The following IFT80 variants were observed in gnomAD, a reference collection of about 807,000 sequenced individuals.
The protein encoded by IFT80 is intraflagellar transport 80.
IFT80 carries 79 observed loss-of-function variants against 107.9 expected under a neutral mutation model. That is an observed-to-expected ratio of 0.73 (90% CI 0.61 to 0.88). The LOEUF is 0.88. Ranked by LOEUF, IFT80 falls within the 40% of genes least tolerant of loss-of-function variation. The pLI is 0.00. For synonymous variants in IFT80, 299 were observed against 300.9 expected (o/e 0.99, Z 0.07); for missense variants, 797 against 914.2 (o/e 0.87, Z 1.65).
At chr3:160,336,589 GTA>G (rs1436905307) in intron 8 of IFT80, among the ~76,000 whole-genome samples, 6 of 151,502 alleles carry the variant, frequency 4.0e-5, no homozygotes, top group African/African-American at 7.3e-5. Flanking sequence ...CAACATGTGT[GTA>G]TGTGTGTGTG....
intron 5 of IFT80, among the ~76,000 whole-genome samples, chr3:160,374,232 G>A (rs1022130111): frequency 3.9e-5 from 6 of 151,956 alleles, no homozygotes; most frequent in East Asian, 1.9e-4. Context: ...GATCACTTGA[G>A]CCCAGGAGTT....
At chr3:160,290,021 T>G (rs1459614332) in intron 12 of IFT80, among the ~76,000 whole-genome samples, 2 of 152,150 alleles carry the variant, frequency 1.3e-5, no homozygotes, top group African/African-American at 2.4e-5. Flanking sequence ...CTGGAGAGTT[T>G]GAACAGACTT....
intron 1 of IFT80, among the ~76,000 whole-genome samples, chr3:160,396,572 G>T (rs761770338): frequency 1.3e-5 from 2 of 151,950 alleles, no homozygotes; most frequent in African/African-American, 2.4e-5. Flanking sequence ...TCTTCCTGTG[G>T]GGTATAATTT....
Position 160,381,266 on chromosome 3 carries a change from T to TATATATATATATA in IFT80, c.259+236_259+237insTATATATATATAT, listed in dbSNP as rs1553766638. Among the ~76,000 whole-genome samples, 15 of 70,672 alleles carry TATATATATATATA rather than the reference T, an allele frequency of 2.1e-4. 1 individual carries two copies. The highest frequency in any genetic ancestry group is 6.8e-3 in the Middle Eastern group (1 of 148). The allele number at this position is 70,672 out of a possible 152,430, so 46.4% of individuals were successfully genotyped here. On this transcript the variant is annotated intron_variant, in intron 3 of 19. Transcript: ENST00000326448. ...TATATATATATATATATATATATAT[T>TATATATATATATA]AAAGCCAAAGACCCATATTCAATCC...
intron 8 of IFT80, among the ~76,000 whole-genome samples, chr3:160,333,644 C>T (rs1357658893): frequency 6.6e-6 from 1 of 152,102 alleles, no homozygotes; most frequent in Non-Finnish European, 1.5e-5. Flanking sequence ...TGTCTTCCAC[C>T]TCTACATCTT....
intron 19 of IFT80, among the ~76,000 whole-genome samples, chr3:160,261,445 A>G (rs1428452262): frequency 6.7e-6 from 1 of 149,308 alleles, no homozygotes; most frequent in Non-Finnish European, 1.5e-5. Flanking sequence ...TAATAAACAA[A>G]ACAAAAAATA....
intron 12 of IFT80, among the ~76,000 whole-genome samples, chr3:160,288,736 T>A (rs1276082816): frequency 6.6e-6 from 1 of 151,840 alleles, no homozygotes. Context: ...AATAGAGAAA[T>A]ACAGATCAAA....
chr3:160,329,429 C>A (rs976399880), intron 8 of IFT80, among the ~76,000 whole-genome samples: 2 of 152,084 alleles, frequency 1.3e-5, no homozygotes, highest in Non-Finnish European at 2.9e-5. Context: ...CTTGATGGGG[C>A]TCAGAACACA....
chr3:160,338,671 C>A (rs1719667097), intron 8 of IFT80, among the ~76,000 whole-genome samples: 1 of 151,056 alleles, frequency 6.6e-6, no homozygotes, highest in African/African-American at 2.4e-5. Context: ...TGAGTGAGAA[C>A]CCATGTGTGT....
chr3:160,379,126 T>C lies in IFT80; in HGVS notation c.260-1586A>G, dbSNP rs138134957. On this transcript the variant is annotated intron_variant, in intron 3 of 19. Coordinates refer to ENST00000326448, the MANE Select transcript of IFT80 (RefSeq NM_020800.3). ...TAATGGGTCAAACCAACATCATAAA[T>C]CTCCTAGTCTGATGCCCCGAGTATT... Among the ~76,000 whole-genome samples, 307 of 152,236 alleles carry C rather than the reference T, an allele frequency of 2.0e-3. 1 individual carries two copies. Among genetic ancestry groups the C allele is most frequent in the African/African-American group, 7.0e-3 (292 of 41,534 alleles).
At chr3:160,383,612 A>T (rs1576900650) in intron 2 of IFT80, 1 of 948,244 alleles carries the variant, frequency 1.1e-6, no homozygotes, top group African/African-American at 1.8e-5. Flanking sequence ...AAAATTTCTC[A>T]GCCCTTACTT....
chr3:160,328,036 GATGTCTTCTCAAA>G (rs1718800553), intron 8 of IFT80, among the ~76,000 whole-genome samples: 1 of 152,124 alleles, frequency 6.6e-6, no homozygotes, highest in Non-Finnish European at 1.5e-5. Flanking sequence ...GACATGAAAA[GATGTCTTCTCAAA>G]AGAAGACATA....
chr3:160,331,658 T>A (rs1011520805), intron 8 of IFT80, among the ~76,000 whole-genome samples: 10 of 127,034 alleles, frequency 7.9e-5, no homozygotes, highest in African/African-American at 3.0e-4. Flanking sequence ...CACATCTTTT[T>A]ACCCTTGTAA....
rs571937019 is a variant in IFT80 at position 160,289,508 on chromosome 3, TGG to T, written c.1316-3642_1316-3641del. Among the ~76,000 whole-genome samples the T allele has an allele frequency of 7.9e-5, 12 of 152,048 alleles. No homozygotes were observed. The South Asian group carries it at 2.5e-3, about 32-fold the overall frequency. ...AACGAGGTGAAAAAGCAAACGCTGA[TGG>T]GGGTAAAATGAAAGGGAAAGAGAAA... On this transcript the variant is annotated intron_variant, in intron 12 of 19. Coordinates refer to ENST00000326448, the MANE Select transcript of IFT80 (RefSeq NM_020800.3).
At chr3:160,372,145 CTA>C (rs1162788278) in intron 5 of IFT80, among the ~76,000 whole-genome samples, 5 of 152,170 alleles carry the variant, frequency 3.3e-5, no homozygotes, top group African/African-American at 1.2e-4. Flanking sequence ...GAATTAATCT[CTA>C]TTCATCAAGA....
chr3:160,348,939 G>C (rs1720478821), intron 8 of IFT80, among the ~76,000 whole-genome samples: 1 of 152,050 alleles, frequency 6.6e-6, no homozygotes, highest in Non-Finnish European at 1.5e-5. Flanking sequence ...GGAAAAATAG[G>C]GATTGACAGT....
chr3:160,299,554 C>T (rs921985030), intron 12 of IFT80, among the ~76,000 whole-genome samples: 3 of 152,132 alleles, frequency 2.0e-5, no homozygotes, highest in Non-Finnish European at 4.4e-5. Context: ...TAACTTTCCT[C>T]TTACCTCACT....
chr3:160,366,448 A>G (rs938528929), intron 5 of IFT80, among the ~76,000 whole-genome samples: 3 of 152,078 alleles, frequency 2.0e-5, no homozygotes, highest in African/African-American at 2.4e-5. Context: ...ATTGAAATAC[A>G]TAAGATAAAA....
intron 18 of IFT80, among the ~76,000 whole-genome samples, chr3:160,272,098 C>T (rs1713854486): frequency 1.3e-5 from 2 of 152,036 alleles, no homozygotes; most frequent in Non-Finnish European, 2.9e-5. Context: ...TCTATAGGTC[C>T]AGTTTCTTCA....
Sources: allele counts gnomAD v4.1 joint callset (sites outside exome capture counted in the v4.1 genomes callset), GRCh38; gene constraint gnomAD v4.1.1; transcripts MANE v1.5; gene names NCBI Gene and HGNC (gene_info 2026-07-23, HGNC 2026-07-21).